The following AMPH variants were observed in gnomAD, a reference collection of about 807,000 sequenced individuals.
The protein encoded by AMPH is amphiphysin (Stiff-Mann syndrome with breast cancer 128kD autoantigen).
AMPH carries 49 observed loss-of-function variants against 99.1 expected under a neutral mutation model. That is an observed-to-expected ratio of 0.49 (90% CI 0.39 to 0.63). The LOEUF (loss-of-function observed/expected upper bound fraction) is 0.63, where lower values mean the gene tolerates loss of function less well. AMPH is among the 20% of genes least tolerant of loss of function. The probability of loss-of-function intolerance (pLI) is 0.00; values close to 1 mark genes in which losing one functional copy is unlikely to be tolerated. For synonymous variants in AMPH, 314 were observed against 317.3 expected (o/e 0.99, Z 0.11); for missense variants, 759 against 863.4 (o/e 0.88, Z 1.52).
At chr7:38,517,005 A>G (rs1014628584) in intron 2 of AMPH, among the ~76,000 whole-genome samples, 12 of 152,074 alleles carry the variant, frequency 7.9e-5, no homozygotes, top group African/African-American at 2.4e-4. Flanking sequence ...CTGTATCTCT[A>G]TTGTATCTTG....
At chr7:38,630,517 A>AT (rs1275924488) in intron 1 of AMPH, among the ~76,000 whole-genome samples, 1 of 152,186 alleles carries the variant, frequency 6.6e-6, no homozygotes, top group African/African-American at 2.4e-5. Context: ...TGCAATCTGG[A>AT]TTTTTTAAAA....
intron 1 of AMPH, among the ~76,000 whole-genome samples, chr7:38,553,812 G>C (rs1791263812): frequency 6.6e-6 from 1 of 152,198 alleles, no homozygotes; most frequent in Non-Finnish European, 1.5e-5. Context: ...CACATGCTTG[G>C]AGTCTCATCC....
At chr7:38,487,428 T>G (rs1788543786) in intron 5 of AMPH, among the ~76,000 whole-genome samples, 1 of 152,182 alleles carries the variant, frequency 6.6e-6, no homozygotes, top group Admixed American at 6.5e-5. Flanking sequence ...GAGGAAAGGA[T>G]TCCCTATTTA....
intron 11 of AMPH, among the ~76,000 whole-genome samples, chr7:38,450,371 G>A (rs1166274049): frequency 6.6e-6 from 1 of 152,192 alleles, no homozygotes; most frequent in Non-Finnish European, 1.5e-5. Context: ...GAGGGACCCT[G>A]CCCCAAGCCC....
chr7:38,528,576 T>C (rs1475368000), intron 2 of AMPH, among the ~76,000 whole-genome samples: 1 of 152,156 alleles, frequency 6.6e-6, no homozygotes, highest in African/African-American at 2.4e-5. Flanking sequence ...TATAGTAATA[T>C]CCTTTGTTTC....
intron 16 of AMPH, chr7:38,421,018 T>A (rs1320630981): frequency 2.2e-6 from 1 of 456,650 alleles, no homozygotes; most frequent in East Asian, 7.0e-5. Flanking sequence ...TGTGATTTCC[T>A]AGATCAGAGG....
intron 17 of AMPH, among the ~76,000 whole-genome samples, chr7:38,402,872 A>G (rs773513527): frequency 4.6e-5 from 7 of 152,114 alleles, no homozygotes; most frequent in Non-Finnish European, 8.8e-5. Flanking sequence ...TTCTTTTTCT[A>G]TATGCTGGGT....
rs759920729 is a variant in AMPH, at chr7:38,463,253, G to A, written c.750-140C>T. 3.7e-5 allele frequency: 41 copies of A among 1,110,916 alleles called. 1 individual carries two copies. The South Asian group carries it at 5.4e-4, about 15-fold the overall frequency. The allele number at this position is 1,110,916 out of a possible 1,614,324, so 68.8% of individuals were successfully genotyped here. A position where few individuals can be genotyped will look rare whatever the true frequency, so the allele number is the denominator to read the frequency against. ...GCTCTCCCCTTCCAGGTTAATTCTG[G>A]TTAATTGCAACAGTGATGGTGATAA... On this transcript the variant is annotated intron_variant, in intron 9 of 20. Coordinates refer to ENST00000356264, the MANE Select transcript of AMPH (RefSeq NM_001635.4).
At chr7:38,595,871 T>A (rs978246032) in intron 1 of AMPH, among the ~76,000 whole-genome samples, 1 of 152,236 alleles carries the variant, frequency 6.6e-6, no homozygotes, top group South Asian at 2.1e-4. Flanking sequence ...TCCAGCTGCA[T>A]CCATGTTGCT....
chr7:38,389,980 CA>C (rs1420984110), intron 19 of AMPH, 75 bp from the exon 20 acceptor site: 55 of 1,151,762 alleles, frequency 4.8e-5, no homozygotes, highest in Non-Finnish European at 5.8e-5. Context: ...AGTCACTCTC[CA>C]ACCTGGATGA....
chr7:38,630,175 G>A (rs1794406372), intron 1 of AMPH, among the ~76,000 whole-genome samples: 1 of 152,214 alleles, frequency 6.6e-6, no homozygotes, highest in Admixed American at 6.5e-5. Context: ...TCCTAGGGAC[G>A]GAAAATACTG....
At chr7:38,485,295 T>C (rs539891541) in intron 5 of AMPH, among the ~76,000 whole-genome samples, 1 of 151,902 alleles carries the variant, frequency 6.6e-6, no homozygotes, top group Admixed American at 6.6e-5. Context: ...AGATATTCCA[T>C]GCAAATGGTA....
chr7:38,567,161 T>C (rs1791776030), intron 1 of AMPH, among the ~76,000 whole-genome samples: 1 of 152,166 alleles, frequency 6.6e-6, no homozygotes, highest in Non-Finnish European at 1.5e-5. Context: ...AATGATAGAC[T>C]GGATAAAGAA....
chr7:38,401,336 A>C (rs1485585754), intron 17 of AMPH, among the ~76,000 whole-genome samples: 1 of 152,216 alleles, frequency 6.6e-6, no homozygotes, highest in African/African-American at 2.4e-5. Context: ...AAAACATAGA[A>C]TCATACAATG....
Position 38,620,023 on chromosome 7 carries a change from C to T in AMPH, c.69+11260G>A, listed in dbSNP as rs376569736. 3.9e-5 allele frequency among the ~76,000 whole-genome samples: 6 copies of T among 151,946 alleles called. No individual in the cohort carries two copies. In the East Asian group the frequency reaches 9.7e-4, roughly 25 times the overall value. ...GAGTGCTGCCATTAAGTTGGGAGAT[C>T]CTCCCAAGGTTTGGACCATCTACGC... On this transcript the variant is annotated intron_variant, in intron 1 of 20. Coordinates refer to ENST00000356264, the MANE Select transcript of AMPH (RefSeq NM_001635.4).
chr7:38,427,378 T>C (rs1272181395), intron 14 of AMPH, among the ~76,000 whole-genome samples: 2 of 152,196 alleles, frequency 1.3e-5, no homozygotes, highest in Non-Finnish European at 2.9e-5. Context: ...GAACAGCAAT[T>C]ATGATATTTT....
chr7:38,465,375 G>C (rs1787611763), intron 9 of AMPH, 92 bp downstream of exon 9: 2 of 1,110,408 alleles, frequency 1.8e-6, no homozygotes, highest in Non-Finnish European at 2.5e-6. Flanking sequence ...TGGGACTTTT[G>C]TAGGATAAAT....
chr7:38,475,357 T>C lies in AMPH; in HGVS notation c.564A>G (p.Gln188=), dbSNP rs751047466. 4.3e-5 allele frequency: 70 copies of C among 1,613,022 alleles called. 1 individual carries two copies. The East Asian group carries it at 1.6e-3, about 36-fold the overall frequency. The change falls in exon 7 of 21, where the codon CAA becomes CAG. Residue 188 remains glutamine, a synonymous_variant. Coordinates refer to ENST00000356264, the MANE Select transcript of AMPH (RefSeq NM_001635.4). ...KVFEEFNVDL[Q]EELPSLWSRR... ...TTGACCATAATGATGGTAACTCTTCTTGTAAGTCAACGTTAAACTCTTCAA... is the reference window on the plus strand; with the variant it reads ...TTGACCATAATGATGGTAACTCTTCCTGTAAGTCAACGTTAAACTCTTCAA...
chr7:38,524,108 C>G (rs935663045), intron 2 of AMPH, among the ~76,000 whole-genome samples: 1 of 152,166 alleles, frequency 6.6e-6, no homozygotes, highest in Admixed American at 6.5e-5. Flanking sequence ...ACAGCATACA[C>G]TGGGCATCAC....
Sources: gnomAD v4.1 joint callset for allele counts (sites outside exome capture counted in the v4.1 genomes callset) on GRCh38, gnomAD v4.1.1 for gene constraint, MANE v1.5 for transcripts, NCBI Gene and HGNC (gene_info 2026-07-23, HGNC 2026-07-21) for gene names.